TJP3: variants seen among roughly 807,000 people sequenced by gnomAD.
TJP3 encodes tight junction protein ZO-3.
In TJP3, 85 loss-of-function variants were observed where a neutral mutation model predicts 104.2. The observed-to-expected ratio is 0.82, with a 90% CI of 0.68 to 0.98. TJP3 has a LOEUF of 0.98. TJP3 is among the 50% of genes least tolerant of loss of function. The pLI is 0.00. For missense variants in TJP3, 1,367 were observed against 1,322.8 expected (o/e 1.03, Z -0.52); for synonymous variants, 550 against 550.6 (o/e 1.00, Z 0.02).
chr19:3,718,931 C>A (rs562728331), intron 1 of TJP3, among the ~76,000 whole-genome samples: 1 of 152,012 alleles, frequency 6.6e-6, no homozygotes, highest in Non-Finnish European at 1.5e-5. Context: ...CGCCTGTAAT[C>A]CCAACACTTT....
rs1215640304 is a variant in TJP3, at chr19:3,728,452, G to A, written c.20G>A (p.Trp7Ter). Residue 7 changes from tryptophan (W) to a stop codon, truncating the protein, a stop_gained, in exon 2 of 21, where the codon TGG (tryptophan) becomes TAG (stop). Coordinates refer to ENST00000541714, the MANE Select transcript of TJP3 (RefSeq NM_001267560.2). LOFTEE classifies it high-confidence loss of function. MEELTI[W>*]EQHTATLSKD... The stretch of plus-strand genomic sequence containing the variant: ...GCTGACATGGAGGAGCTGACCATCT[G>A]GGAACAGCACACGGCCACACTGTCC... 6.2e-7 allele frequency: 1 copy of A among 1,613,914 alleles called. No individual in the cohort carries two copies. Among genetic ancestry groups the A allele is most frequent in the Non-Finnish European group, 8.5e-7 (1 of 1,179,938 alleles).
At chr19:3,748,559 C>T (rs1000849230) in intron 19 of TJP3, among the ~76,000 whole-genome samples, 1 of 148,368 alleles carries the variant, frequency 6.7e-6, no homozygotes, top group Non-Finnish European at 1.5e-5. Flanking sequence ...TGAGCCACTG[C>T]ACCCAGGCTT....
intron 6 of TJP3, among the ~76,000 whole-genome samples, chr19:3,732,772 G>A (rs574128150): frequency 2.0e-5 from 3 of 152,056 alleles, no homozygotes; most frequent in East Asian, 1.9e-4. Flanking sequence ...GCCTCCCAAC[G>A]TGCTGGGATT....
chr19:3,717,538 T>C (rs542625891), intron 1 of TJP3, among the ~76,000 whole-genome samples: 1 of 151,360 alleles, frequency 6.6e-6, no homozygotes, highest in Non-Finnish European at 1.5e-5. Flanking sequence ...CAGGGTCAAG[T>C]GATTCTCTTG....
intron 14 of TJP3, among the ~76,000 whole-genome samples, chr19:3,741,266 G>A (rs2036814541): frequency 6.6e-6 from 1 of 151,918 alleles, no homozygotes; most frequent in African/African-American, 2.4e-5. Context: ...CTCCCAAAAT[G>A]CTGAGATTAC....
chr19:3,728,715 T>C lies in TJP3; in HGVS notation c.158+2T>C, dbSNP rs112413308. The stretch of plus-strand genomic sequence containing the variant: ...AGGGCCGGCGGAGGGCAGGCTACAG[T>C]GAGTATCCAGGCAGCTGGGTTCTGG... On this transcript the variant is annotated splice_donor_variant, in intron 3 of 20. Transcript: ENST00000541714. LOFTEE classifies it high-confidence loss of function. The C allele has an allele frequency of 1.9e-6, 3 of 1,612,946 alleles. No individual in the cohort carries two copies. Among genetic ancestry groups the C allele is most frequent in the South Asian group, 2.2e-5 (2 of 90,710 alleles).
intron 1 of TJP3, among the ~76,000 whole-genome samples, chr19:3,713,709 A>AT (rs753463261): frequency 2.0e-5 from 3 of 151,786 alleles, no homozygotes; most frequent in Non-Finnish European, 4.4e-5. Flanking sequence ...AATTATTATT[A>AT]TTATTTATTT....
rs1427677168 is a variant in TJP3 at position 3,738,405 on chromosome 19, A to G, written c.1285-150A>G. ...TCACACAGCCATAGGGTGATACCCC[A>G]GTCGGAAAGCCCTCGGGGAACTGCC... On this transcript the variant is annotated intron_variant, in intron 11 of 20. Coordinates refer to ENST00000541714, the MANE Select transcript of TJP3 (RefSeq NM_001267560.2). 6 of 626,886 alleles carry G rather than the reference A, an allele frequency of 9.6e-6. No individual in the cohort carries two copies. In the East Asian group the frequency reaches 1.6e-4, roughly 17 times the overall value. 38.8% of individuals were successfully genotyped at this position (626,886 alleles called of 1,614,324 possible). A position where few individuals can be genotyped will look rare whatever the true frequency, so the allele number is the denominator to read the frequency against.
At chr19:3,722,856 C>CGGGGGG (rs57421122) in intron 1 of TJP3, among the ~76,000 whole-genome samples, 16 of 11,258 alleles carry the variant, frequency 1.4e-3, no homozygotes, top group East Asian at 2.7e-3. Flanking sequence ...GATGGGGTGG[C>CGGGGGG]GGGGGGGGGG....
chr19:3,718,237 G>GTGTGTGTGTGTGTGTGTGTC (rs1482446205), intron 1 of TJP3, among the ~76,000 whole-genome samples: 1 of 128,050 alleles, frequency 7.8e-6, no homozygotes, highest in Non-Finnish European at 1.6e-5. Flanking sequence ...GTGTGTGTGT[G>GTGTGTGTGTGTGTGTGTGTC]TGTGTGTGTG....
At position 3,718,212 on chromosome 19, in the gene TJP3, AGTGTGTGTGTGTGTGTGT is replaced by A. The variant is rs71339057; in HGVS notation, c.-10+9678_-10+9695del. On this transcript the variant is annotated intron_variant, in intron 1 of 20. Transcript: ENST00000541714. ...AACTCAAAAAAAAAAAAAAAAAAAA[AGTGTGTGTGTGTGTGTGT>A]GTGTGTGTGTGTGTGTGTGTGTGTG... Among the ~76,000 whole-genome samples the A allele has an allele frequency of 6.2e-5, 3 of 48,256 alleles. No individual in the cohort carries two copies. In the East Asian group the frequency reaches 1.5e-3, roughly 24 times the overall value. The allele number at this position is 48,256 out of a possible 152,430, so 31.7% of individuals were successfully genotyped here.
intron 1 of TJP3, among the ~76,000 whole-genome samples, chr19:3,720,554 T>G (rs2036531603): frequency 6.6e-6 from 1 of 152,068 alleles, no homozygotes; most frequent in Admixed American, 6.6e-5. Flanking sequence ...AAGGGGTGTT[T>G]ATGTGTAGCT....
chr19:3,721,993 C>G, intron 1 of TJP3: 3 of 785,748 alleles, frequency 3.8e-6, no homozygotes, highest in Non-Finnish European at 5.2e-6. Flanking sequence ...GAGTCGGACC[C>G]AGGACCCCAG....
At chr19:3,715,101 T>A (rs1194116428) in intron 1 of TJP3, among the ~76,000 whole-genome samples, 1 of 151,376 alleles carries the variant, frequency 6.6e-6, no homozygotes, top group Non-Finnish European at 1.5e-5. Flanking sequence ...TGGTTTTTTT[T>A]TTTTTTGAGA....
chr19:3,746,457 C>T lies in TJP3; in HGVS notation c.2011-28C>T. On this transcript the variant is annotated intron_variant, in intron 16 of 20. Transcript: ENST00000541714. The surrounding 1 kb of genome is among the most constrained non-coding windows in gnomAD (Gnocchi z 4.1). ...CTGTTTACCCTGCTGCAATCCCCCT[C>T]ACCCCAACGTCCGCCGGCCTGGCCC... 6.2e-7 allele frequency: 1 copy of T among 1,611,528 alleles called. No individual in the cohort carries two copies. The highest frequency in any genetic ancestry group is 2.2e-5 in the East Asian group (1 of 44,864).
In TJP3 at chr19:3,740,742, G is replaced by A. The variant is rs146122641; in HGVS notation, c.1822G>A (p.Glu608Lys). Residue 608 changes from glutamate to lysine, a missense_variant, in exon 14 of 21, where the codon GAA (glutamate) becomes AAA (lysine). Coordinates refer to ENST00000541714, the MANE Select transcript of TJP3 (RefSeq NM_001267560.2). ...CCGACAGGGCCGCTACCCGCCCTAC[G>A]AACGAGTGGTGTTGCGAGAAGGTGG... ...LTRQGRYPPYERVVLREASFK... is the reference protein window; with the variant it reads ...LTRQGRYPPYKRVVLREASFK... The A allele has an allele frequency of 4.4e-6, 7 of 1,588,844 alleles. No homozygotes were observed. The highest frequency in any genetic ancestry group is 1.4e-5 in the African/African-American group (1 of 73,940).
chr19:3,749,904 AG>A (rs1354515401), intron 19 of TJP3, among the ~76,000 whole-genome samples: 1 of 152,198 alleles, frequency 6.6e-6, no homozygotes, highest in Non-Finnish European at 1.5e-5. Context: ...TGCACAGATG[AG>A]AAACCCAATT....
At chr19:3,739,300 G>A (rs2036780860) in intron 13 of TJP3, among the ~76,000 whole-genome samples, 166 bp downstream of exon 13, 1 of 152,140 alleles carries the variant, frequency 6.6e-6, no homozygotes, top group Non-Finnish European at 1.5e-5. Context: ...GACCATCCTG[G>A]GCAACATGGT....
rs599587 is a variant in TJP3 at position 3,738,651 on chromosome 19, A to T, written c.1381A>T (p.Arg461Trp). Reference sequence around the variant, plus strand: ...CGAGGAGATGGAGCTGGTGACGCAGAGGAAGCAGGACAGTGAGTGCGCGTG... The same window carrying T: ...CGAGGAGATGGAGCTGGTGACGCAGTGGAAGCAGGACAGTGAGTGCGCGTG... Reference protein sequence around the residue: ...PGEEMELVTQRKQDIFWKMVQ... With the variant: ...PGEEMELVTQWKQDIFWKMVQ... The change falls in exon 12 of 21, where the codon AGG (arginine) becomes TGG (tryptophan). Residue 461 changes from arginine to tryptophan, a missense_variant. Transcript: ENST00000541714. 3 of 1,613,132 alleles carry T rather than the reference A, an allele frequency of 1.9e-6. No individual in the cohort carries two copies. The highest frequency in any genetic ancestry group is 1.1e-5 in the South Asian group (1 of 91,016).
Sources: allele counts gnomAD v4.1 joint callset (sites outside exome capture counted in the v4.1 genomes callset), GRCh38; gene constraint gnomAD v4.1.1; non-coding constraint Gnocchi (gnomAD v3.1); transcripts MANE v1.5; gene names NCBI Gene and HGNC (gene_info 2026-07-23, HGNC 2026-07-21).